The following RABGEF1 variants were observed in gnomAD, a reference collection of about 807,000 sequenced individuals.
RABGEF1 encodes rab5 GDP/GTP exchange factor.
In RABGEF1, 26 loss-of-function variants were observed where a neutral mutation model predicts 57.3. That is an observed-to-expected ratio of 0.45 (90% CI 0.33 to 0.63). The LOEUF is 0.63. Ranked by LOEUF, RABGEF1 falls within the 20% of genes least tolerant of loss-of-function variation. RABGEF1 has a pLI of 0.02. For synonymous variants in RABGEF1, 185 were observed against 210.7 expected (o/e 0.88, Z 1.06); for missense variants, 464 against 607.6 (o/e 0.76, Z 2.48).
intron 1 of RABGEF1, among the ~76,000 whole-genome samples, chr7:66,762,162 AC>A (rs1804572956): frequency 6.6e-6 from 1 of 152,256 alleles, no homozygotes; most frequent in Non-Finnish European, 1.5e-5. Context: ...ATAACACCAC[AC>A]TGGTACTATT....
the RABGEF1 span, among the ~76,000 whole-genome samples, chr7:66,670,430 ATGATTTTTTT>A: frequency 8.3e-6 from 1 of 120,050 alleles, no homozygotes; most frequent in African/African-American, 3.3e-5. Flanking sequence ...ATTGAATGAG[ATGATTTTTTT>A]TTTTTTTTTT....
At chr7:66,737,498 C>T (rs150834487), upstream of RABGEF1, among the ~76,000 whole-genome samples, 178 of 152,108 alleles carry the variant, frequency 1.2e-3, no homozygotes, top group African/African-American at 3.9e-3. Flanking sequence ...GATTTCGGGG[C>T]TCAGCCTTGC....
upstream of RABGEF1, among the ~76,000 whole-genome samples, chr7:66,738,539 G>T (rs1009161343): frequency 6.6e-6 from 1 of 151,940 alleles, no homozygotes; most frequent in Non-Finnish European, 1.5e-5. Flanking sequence ...AGACCAGCCA[G>T]GGCGACATGG....
At chr7:66,753,599 A>G (rs1801943751) in intron 1 of RABGEF1, among the ~76,000 whole-genome samples, 1 of 149,566 alleles carries the variant, frequency 6.7e-6, no homozygotes, top group Non-Finnish European at 1.5e-5. Flanking sequence ...GGGTAGGGTA[A>G]TTTCCCTTTC....
chr7:66,741,206 TC>T (rs1399264753), intron 1 of RABGEF1, among the ~76,000 whole-genome samples: 1 of 151,506 alleles, frequency 6.6e-6, no homozygotes, highest in East Asian at 1.9e-4. Flanking sequence ...TCCCACAACC[TC>T]CCCGGAAAGC....
At chr7:66,766,506 A>C (rs1805754525) in intron 1 of RABGEF1, among the ~76,000 whole-genome samples, 1 of 151,810 alleles carries the variant, frequency 6.6e-6, no homozygotes, top group African/African-American at 2.4e-5. Context: ...CCTCAGCCTT[A>C]TCTACTATTT....
intron 1 of RABGEF1, among the ~76,000 whole-genome samples, chr7:66,753,856 G>A (rs921190345): frequency 2.6e-5 from 4 of 150,954 alleles, no homozygotes; most frequent in Non-Finnish European, 4.4e-5. Context: ...ACAGGCATGC[G>A]CCATCATGCC....
intron 1 of RABGEF1, among the ~76,000 whole-genome samples, chr7:66,688,875 C>T (rs1671994623): frequency 6.6e-6 from 1 of 152,132 alleles, no homozygotes; most frequent in Non-Finnish European, 1.5e-5. Context: ...GGAGGATCAC[C>T]TGAGGTCAGG....
intron 4 of RABGEF1, among the ~76,000 whole-genome samples, chr7:66,789,977 C>T (rs565767979): frequency 3.0e-4 from 45 of 152,204 alleles, no homozygotes; most frequent in African/African-American, 8.4e-4. Context: ...ACTCCCTCTA[C>T]GGACAAGATA....
intron 1 of RABGEF1, among the ~76,000 whole-genome samples, chr7:66,748,598 A>G (rs1800756351): frequency 6.6e-6 from 1 of 152,206 alleles, no homozygotes; most frequent in Non-Finnish European, 1.5e-5. Context: ...CTCAACAAAG[A>G]ATAAAATCAT....
At chr7:66,709,170 G>A (rs1794491861) in intron 1 of RABGEF1, among the ~76,000 whole-genome samples, 2 of 151,826 alleles carry the variant, frequency 1.3e-5, no homozygotes, top group Admixed American at 6.6e-5. Context: ...CACCATGCCC[G>A]GCTAATTTTT....
upstream of RABGEF1, among the ~76,000 whole-genome samples, chr7:66,738,784 G>A (rs1453009575): frequency 6.7e-6 from 1 of 149,042 alleles, no homozygotes; most frequent in East Asian, 2.0e-4. Flanking sequence ...ATGGTTTATA[G>A]AATGGTGTGT....
Position 66,776,962 on chromosome 7 carries a change from G to A in RABGEF1, c.346+1569G>A, listed in dbSNP as rs553495261. 4.6e-5 allele frequency among the ~76,000 whole-genome samples: 7 copies of A among 152,124 alleles called. No homozygotes were observed. The South Asian group carries it at 6.2e-4, about 14-fold the overall frequency. On this transcript the variant is annotated intron_variant, in intron 3 of 8. Coordinates refer to ENST00000284957, the MANE Select transcript of RABGEF1 (RefSeq NM_014504.3). ...TGACCTTGGACAGACTAACCTCTCC[G>A]AGTCCTGTCCACACTGAGGGACAAT...
At chr7:66,804,086 ATT>A (rs776154567) in intron 7 of RABGEF1, among the ~76,000 whole-genome samples, 9 of 136,906 alleles carry the variant, frequency 6.6e-5, no homozygotes, top group African/African-American at 1.3e-4. Context: ...CAGTAGCTGG[ATT>A]TTTTTTTTTT....
At chr7:66,700,613 G>A (rs1395759090) in intron 1 of RABGEF1, among the ~76,000 whole-genome samples, 2 of 152,082 alleles carry the variant, frequency 1.3e-5, no homozygotes, top group Non-Finnish European at 2.9e-5. Context: ...GAGCTCAATG[G>A]AGAAAAGGGG....
chr7:66,667,934 A>T, the RABGEF1 span, among the ~76,000 whole-genome samples: 1 of 152,078 alleles, frequency 6.6e-6, no homozygotes, highest in Admixed American at 6.6e-5. Context: ...AGTAGCTGGA[A>T]TTATAGGCAC....
chr7:66,691,112 C>A lies in RABGEF1; in HGVS notation c.-873+8854C>A, dbSNP rs373518093. ...TCTCAAAAAAACAAAAAGAAAATGA[C>A]AACACCAAATGTTGCAGAGGATATG... On this transcript the variant is annotated intron_variant and NMD_transcript_variant, in intron 1 of 9. Coordinates refer to the RABGEF1 transcript ENST00000607882. Among the ~76,000 whole-genome samples the A allele has an allele frequency of 1.7e-3, 261 of 152,126 alleles. 1 individual carries two copies. Among genetic ancestry groups the A allele is most frequent in the Middle Eastern group, 3.4e-3 (1 of 294 alleles).
chr7:66,775,835 T>A (rs1808394859), intron 3 of RABGEF1, among the ~76,000 whole-genome samples: 1 of 152,134 alleles, frequency 6.6e-6, no homozygotes, highest in Admixed American at 6.5e-5. Context: ...AGAGACAGCT[T>A]GTGTCTTGAG....
chr7:66,699,449 G>A (rs1212171645), intron 1 of RABGEF1, among the ~76,000 whole-genome samples: 3 of 152,182 alleles, frequency 2.0e-5, no homozygotes, highest in Non-Finnish European at 4.4e-5. Flanking sequence ...CCAGCACTTT[G>A]GGAGGTCGAG....
Sources: gnomAD v4.1 joint callset for allele counts (sites outside exome capture counted in the v4.1 genomes callset) on GRCh38, gnomAD v4.1.1 for gene constraint, MANE v1.5 for transcripts, NCBI Gene and HGNC (gene_info 2026-07-23, HGNC 2026-07-21) for gene names.